DLG2: variants seen among roughly 807,000 people sequenced by gnomAD.
The protein encoded by DLG2 is discs large MAGUK scaffold protein 2, also known as disks large homolog 2.
DLG2 carries 45 observed loss-of-function variants against 132.5 expected under a neutral mutation model. The observed-to-expected ratio is 0.34, with a 90% CI of 0.27 to 0.44. The LOEUF (loss-of-function observed/expected upper bound fraction) is 0.44. DLG2 is among the 20% of genes least tolerant of loss of function. The pLI is 1.00. For missense variants in DLG2, 1,045 were observed against 1,196.9 expected (o/e 0.87, Z 1.87); for synonymous variants, 424 against 419.6 (o/e 1.01, Z -0.13).
chr11:85,573,719 G>A (rs897959894), intron 3 of DLG2, among the ~76,000 whole-genome samples: 7 of 152,106 alleles, frequency 4.6e-5, no homozygotes, highest in African/African-American at 9.6e-5. Context: ...ACATAGTTTC[G>A]TTCTGCTATT....
chr11:85,549,976 C>T (rs1328144425), intron 3 of DLG2, among the ~76,000 whole-genome samples: 1 of 152,182 alleles, frequency 6.6e-6, no homozygotes, highest in Non-Finnish European at 1.5e-5. Flanking sequence ...ACCATAAAAT[C>T]AAAAATTAAC....
chr11:84,985,991 C>CCA (rs2056428905), intron 6 of DLG2, among the ~76,000 whole-genome samples: 1 of 44,214 alleles, frequency 2.3e-5, no homozygotes, highest in African/African-American at 1.0e-4. Flanking sequence ...GACTCCGTCT[C>CCA]AAAAAAAAAA....
intron 26 of DLG2, 129 bp from the exon 27 acceptor site, chr11:83,462,222 T>C (rs1381522638): frequency 1.6e-6 from 1 of 635,894 alleles, no homozygotes; most frequent in Non-Finnish European, 2.8e-6. Flanking sequence ...TTAGTCTTCA[T>C]TCAGGACTCC....
At chr11:84,481,412 G>T (rs1278231914) in intron 7 of DLG2, among the ~76,000 whole-genome samples, 5 of 152,148 alleles carry the variant, frequency 3.3e-5, no homozygotes, top group Admixed American at 3.3e-4. Flanking sequence ...TGAGGTAAAT[G>T]TTGCTATTTC....
At chr11:84,427,289 GT>G (rs1171695267) in intron 7 of DLG2, among the ~76,000 whole-genome samples, 5 of 152,100 alleles carry the variant, frequency 3.3e-5, no homozygotes, top group Non-Finnish European at 5.9e-5. Flanking sequence ...GGAAGAAAAA[GT>G]TTTTACAATA....
intron 8 of DLG2, among the ~76,000 whole-genome samples, chr11:84,242,685 C>T (rs1218552743): frequency 3.3e-5 from 5 of 152,056 alleles, no homozygotes; most frequent in African/African-American, 4.8e-5. Flanking sequence ...GGATTACAGG[C>T]GTGAGCCACC....
At chr11:85,431,848 T>C (rs530534162) in intron 3 of DLG2, among the ~76,000 whole-genome samples, 1 of 152,328 alleles carries the variant, frequency 6.6e-6, no homozygotes, top group South Asian at 2.1e-4. Context: ...CTGCTTCCTA[T>C]GCCATCCAAC....
intron 6 of DLG2, among the ~76,000 whole-genome samples, chr11:84,939,517 T>C (rs1280999858): frequency 6.6e-6 from 1 of 152,150 alleles, no homozygotes; most frequent in Non-Finnish European, 1.5e-5. Context: ...AACTATATTT[T>C]TGTACCCATT....
At chr11:85,583,819 C>T (rs1274565048) in intron 3 of DLG2, among the ~76,000 whole-genome samples, 2 of 152,114 alleles carry the variant, frequency 1.3e-5, no homozygotes, top group African/African-American at 4.8e-5. Flanking sequence ...AAGGTGAAAA[C>T]CAGCATTGAG....
At chr11:83,885,110 A>C (rs1053226946) in intron 15 of DLG2, among the ~76,000 whole-genome samples, 3 of 151,988 alleles carry the variant, frequency 2.0e-5, no homozygotes, top group Non-Finnish European at 2.9e-5. Flanking sequence ...TGACTTTGAC[A>C]AGTTGAGAGA....
chr11:85,487,744 G>GA (rs757224238), intron 3 of DLG2, among the ~76,000 whole-genome samples: 2 of 152,088 alleles, frequency 1.3e-5, no homozygotes, highest in Non-Finnish European at 2.9e-5. Context: ...AAAAGACTTA[G>GA]AAAAAATAAT....
intron 3 of DLG2, among the ~76,000 whole-genome samples, chr11:85,350,405 T>C (rs1342867449): frequency 6.6e-6 from 1 of 152,240 alleles, no homozygotes; most frequent in Non-Finnish European, 1.5e-5. Context: ...AGGAGCTTTT[T>C]AGTTTAATTA....
chr11:85,560,351 G>A (rs2077168300), intron 3 of DLG2, among the ~76,000 whole-genome samples: 1 of 151,738 alleles, frequency 6.6e-6, no homozygotes, highest in East Asian at 1.9e-4. Flanking sequence ...ACCAGGGAAA[G>A]GAACTTTTTT....
intron 6 of DLG2, among the ~76,000 whole-genome samples, chr11:84,913,844 T>C (rs778544695): frequency 2.3e-4 from 35 of 152,232 alleles, no homozygotes; most frequent in Non-Finnish European, 4.0e-4. Flanking sequence ...TAGTTTACTT[T>C]TCCTAACGAG....
At chr11:84,932,437 G>T (rs566748379) in intron 6 of DLG2, among the ~76,000 whole-genome samples, 1 of 152,188 alleles carries the variant, frequency 6.6e-6, no homozygotes, top group South Asian at 2.1e-4. Context: ...GAACATGCAG[G>T]TTAGTTACAT....
intron 7 of DLG2, among the ~76,000 whole-genome samples, chr11:84,389,011 T>C (rs2098782392): frequency 6.6e-6 from 1 of 152,128 alleles, no homozygotes; most frequent in Admixed American, 6.6e-5. Flanking sequence ...TCATATAGAC[T>C]GGGTTGTTGC....
chr11:85,474,644 C>A (rs1276992229), intron 3 of DLG2, among the ~76,000 whole-genome samples: 1 of 151,820 alleles, frequency 6.6e-6, no homozygotes, highest in Non-Finnish European at 1.5e-5. Flanking sequence ...ATCCAATAGA[C>A]CTTTCAGCAA....
chr11:84,108,618 A>C (rs1196453541), intron 9 of DLG2, among the ~76,000 whole-genome samples: 1 of 152,102 alleles, frequency 6.6e-6, no homozygotes, highest in South Asian at 2.1e-4. Context: ...GTGGTAAGAA[A>C]GGGAAGGAAG....
intron 5 of DLG2, among the ~76,000 whole-genome samples, chr11:85,148,956 T>C (rs2077045399): frequency 6.6e-6 from 1 of 152,204 alleles, no homozygotes; most frequent in Non-Finnish European, 1.5e-5. Flanking sequence ...AAGTTTCAGT[T>C]TTCTGCCTAT....
Sources: allele counts gnomAD v4.1 joint callset (sites outside exome capture counted in the v4.1 genomes callset), GRCh38; gene constraint gnomAD v4.1.1; transcripts MANE v1.5; gene names NCBI Gene and HGNC (gene_info 2026-07-23, HGNC 2026-07-21).